The following DLG2 variants were observed in gnomAD, a reference collection of about 807,000 sequenced individuals.
DLG2 encodes disks large homolog 2.
In DLG2, 45 loss-of-function variants were observed where a neutral mutation model predicts 132.5. The ratio of observed to expected loss-of-function variants is 0.34; its 90% CI spans 0.27 to 0.44. The LOEUF is 0.44. Ranked by LOEUF, DLG2 falls within the 20% of genes least tolerant of loss-of-function variation. The pLI is 1.00. For synonymous variants in DLG2, 424 were observed against 419.6 expected, an observed-to-expected ratio of 1.01 and a Z score of -0.13; for missense variants, 1,045 against 1,196.9, an observed-to-expected ratio of 0.87 and a Z score of 1.87.
chr11:84,736,936 C>A (rs2063911697), intron 6 of DLG2, among the ~76,000 whole-genome samples: 1 of 151,958 alleles, frequency 6.6e-6, no homozygotes, highest in African/African-American at 2.4e-5. Flanking sequence ...TGTTCCTGAT[C>A]TTAAGGGGAA....
chr11:83,747,301 T>C (rs2092982474), intron 18 of DLG2, among the ~76,000 whole-genome samples: 1 of 148,460 alleles, frequency 6.7e-6, no homozygotes, highest in Non-Finnish European at 1.5e-5. Context: ...CCTTCCTTCC[T>C]TCCTTCCTTC....
At chr11:84,557,982 C>T (rs757071214) in intron 6 of DLG2, among the ~76,000 whole-genome samples, 13 of 151,956 alleles carry the variant, frequency 8.6e-5, no homozygotes, top group Non-Finnish European at 1.5e-4. Flanking sequence ...CTCAGTAAAA[C>T]CTGGAATTAT....
At chr11:84,490,650 A>G (rs1281279810) in intron 7 of DLG2, among the ~76,000 whole-genome samples, 1 of 101,720 alleles carries the variant, frequency 9.8e-6, no homozygotes, top group African/African-American at 3.9e-5. Flanking sequence ...ATATATGAGC[A>G]AAAAAAAAAA....
At chr11:85,378,933 A>G (rs1183739582) in intron 3 of DLG2, among the ~76,000 whole-genome samples, 1 of 152,174 alleles carries the variant, frequency 6.6e-6, no homozygotes. Context: ...TACCACTTCA[A>G]GTTACGAGCT....
chr11:83,897,406 C>T (rs534347515), intron 15 of DLG2, among the ~76,000 whole-genome samples: 9 of 152,242 alleles, frequency 5.9e-5, no homozygotes, highest in African/African-American at 1.4e-4. Context: ...TTTTCCAATG[C>T]CTTTAACCAC....
rs553698347 is a variant in DLG2 at position 83,611,920 on chromosome 11, G to T, written c.1940+21291C>A. ...ACCTTTAGCTGCTTTTGAAGGGGGG[G>T]CAACTGTTTGAGCGGGAGGGAAGCA... On this transcript the variant is annotated intron_variant, in intron 19 of 27. Coordinates refer to ENST00000376104, the MANE Select transcript of DLG2 (RefSeq NM_001142699.3). 9.2e-4 allele frequency among the ~76,000 whole-genome samples: 140 copies of T among 152,196 alleles called. 2 individuals are homozygous for T. In the South Asian group the frequency reaches 0.028, roughly 30 times the overall value.
chr11:84,712,452 G>C (rs1377663218), intron 6 of DLG2, among the ~76,000 whole-genome samples: 2 of 151,918 alleles, frequency 1.3e-5, no homozygotes, highest in South Asian at 4.2e-4. Flanking sequence ...TTCTGGGTCA[G>C]GTATAATCTA....
At chr11:84,771,282 T>C (rs1343285319) in intron 6 of DLG2, among the ~76,000 whole-genome samples, 1 of 152,178 alleles carries the variant, frequency 6.6e-6, no homozygotes, top group East Asian at 1.9e-4. Context: ...CCAGCATCTG[T>C]TATTTGTTGA....
intron 6 of DLG2, among the ~76,000 whole-genome samples, chr11:84,649,391 C>T (rs1275442910): frequency 6.6e-6 from 1 of 152,116 alleles, no homozygotes; most frequent in Non-Finnish European, 1.5e-5. Flanking sequence ...GGGACCAACT[C>T]AGCATCCTAC....
At chr11:84,679,033 G>A (rs779063044) in intron 6 of DLG2, among the ~76,000 whole-genome samples, 2 of 151,906 alleles carry the variant, frequency 1.3e-5, no homozygotes, top group African/African-American at 4.8e-5. Flanking sequence ...TGTTACAAAT[G>A]GCTGTTAAGT....
intron 4 of DLG2, among the ~76,000 whole-genome samples, chr11:85,244,427 G>T (rs993457560): frequency 6.6e-6 from 1 of 151,968 alleles, no homozygotes. Flanking sequence ...TACGAGGGAA[G>T]TGTTTATGCA....
At chr11:84,861,420 C>T (rs1244890162) in intron 6 of DLG2, among the ~76,000 whole-genome samples, 1 of 151,902 alleles carries the variant, frequency 6.6e-6, no homozygotes, top group African/African-American at 2.4e-5. Flanking sequence ...GATTTCCTAT[C>T]ATTTGAATAC....
intron 16 of DLG2, among the ~76,000 whole-genome samples, chr11:83,856,998 G>A (rs2060635023): frequency 6.6e-6 from 1 of 152,068 alleles, no homozygotes; most frequent in Admixed American, 6.6e-5. Flanking sequence ...ATTTATTTTT[G>A]TATCTGGTAT....
intron 9 of DLG2, among the ~76,000 whole-genome samples, chr11:84,150,878 T>A (rs979816607): frequency 6.6e-6 from 1 of 152,290 alleles, no homozygotes; most frequent in South Asian, 2.1e-4. Flanking sequence ...ATGAATTTTG[T>A]TTTTAGTTCT....
chr11:84,776,993 T>C (rs2070667403), intron 6 of DLG2, among the ~76,000 whole-genome samples: 1 of 152,002 alleles, frequency 6.6e-6, no homozygotes, highest in African/African-American at 2.4e-5. Context: ...TATCCATCAC[T>C]CAAATAACAT....
intron 7 of DLG2, among the ~76,000 whole-genome samples, chr11:84,532,694 G>A (rs2099345726): frequency 6.6e-6 from 1 of 152,236 alleles, no homozygotes; most frequent in Admixed American, 6.5e-5. Context: ...ACAAGGTCTT[G>A]CCTTGTTACC....
At chr11:84,410,256 T>G (rs569029807) in intron 7 of DLG2, among the ~76,000 whole-genome samples, 77 of 152,208 alleles carry the variant, frequency 5.1e-4, no homozygotes, top group African/African-American at 1.8e-3. Flanking sequence ...ACACTCCAAG[T>G]CACATACCTG....
At chr11:83,892,575 A>G (rs926233336) in intron 15 of DLG2, among the ~76,000 whole-genome samples, 1 of 152,168 alleles carries the variant, frequency 6.6e-6, no homozygotes, top group Non-Finnish European at 1.5e-5. Flanking sequence ...TAGCAACTAT[A>G]TTGTATGCAA....
At chr11:84,108,790 G>A (rs1374897831) in intron 9 of DLG2, among the ~76,000 whole-genome samples, 1 of 63,346 alleles carries the variant, frequency 1.6e-5, no homozygotes, top group East Asian at 5.0e-4. Context: ...GGAGAACAGA[G>A]AGGCAAGTTG....
Sources: allele counts gnomAD v4.1 joint callset (sites outside exome capture counted in the v4.1 genomes callset), GRCh38; gene constraint gnomAD v4.1.1; transcripts MANE v1.5; gene names NCBI Gene and HGNC (gene_info 2026-07-23, HGNC 2026-07-21).